TIAM1: variants seen among roughly 807,000 people sequenced by gnomAD.
TIAM1 encodes TIAM Rac1 associated GEF 1.
A neutral mutation model predicts 163.5 loss-of-function variants in TIAM1; 65 were observed. That is an observed-to-expected ratio of 0.40 (90% confidence interval 0.33 to 0.49). The LOEUF (loss-of-function observed/expected upper bound fraction) is 0.49, where lower values mean the gene tolerates loss of function less well. Among genes scored for constraint, TIAM1 ranks in the 20% least tolerant of loss-of-function variants. The pLI is 0.77. For missense variants in TIAM1, 1,789 were observed against 2,044.7 expected (o/e 0.87, Z 2.41); for synonymous variants, 833 against 810.1 (o/e 1.03, Z -0.48).
intron 2 of TIAM1, among the ~76,000 whole-genome samples, chr21:31,337,518 G>GTTATTATTA (rs55760697): frequency 0.021 from 3,122 of 147,250 alleles, 79 homozygotes; most frequent in African/African-American, 0.061. Flanking sequence ...TATTATTGTT[G>GTTATTATTA]TTATTATTAT....
At chr21:31,422,711 A>G (rs2043621115) in intron 2 of TIAM1, among the ~76,000 whole-genome samples, 1 of 152,142 alleles carries the variant, frequency 6.6e-6, no homozygotes, top group Admixed American at 6.6e-5. Flanking sequence ...CTTTGCACCA[A>G]TGAGCACCTC....
At position 31,321,150 on chromosome 21, in the gene TIAM1, G is replaced by C. The variant is rs73353402; in HGVS notation, c.-189+18093C>G. 6.6e-5 allele frequency among the ~76,000 whole-genome samples: 10 copies of C among 152,066 alleles called. No homozygotes were observed. In the East Asian group the frequency reaches 1.4e-3, roughly 21 times the overall value. ...CTGGGCCACAGAAAGAAGGGGGCGG[G>C]GGGGGATGACCTGAGAGTTATAGGA... On this transcript the variant is annotated intron_variant, in intron 2 of 27. Transcript: ENST00000541036.
At chr21:31,229,342 A>G (rs2088263476) in intron 6 of TIAM1, among the ~76,000 whole-genome samples, 1 of 152,136 alleles carries the variant, frequency 6.6e-6, no homozygotes, top group South Asian at 2.1e-4. Flanking sequence ...ACGTTAAACT[A>G]TCATAGAAAG....
chr21:31,547,865 GAC>G (rs1459379798), intron 1 of TIAM1, among the ~76,000 whole-genome samples: 2 of 152,140 alleles, frequency 1.3e-5, no homozygotes, highest in Non-Finnish European at 2.9e-5. Flanking sequence ...AGCTTTGCAT[GAC>G]ACAGTTATTA....
chr21:31,306,942 C>T (rs1410113283), intron 2 of TIAM1, among the ~76,000 whole-genome samples: 1 of 152,148 alleles, frequency 6.6e-6, no homozygotes, highest in Non-Finnish European at 1.5e-5. Context: ...ACACTAATGT[C>T]TTTGGTAAGA....
intron 4 of TIAM1, among the ~76,000 whole-genome samples, chr21:31,258,347 G>A (rs2072243942): frequency 6.6e-6 from 1 of 152,168 alleles, no homozygotes; most frequent in Admixed American, 6.5e-5. Context: ...CACTGCAGCT[G>A]GAGTTAAAGG....
chr21:31,199,162 A>G (rs1001619335), intron 12 of TIAM1, among the ~76,000 whole-genome samples: 2 of 152,206 alleles, frequency 1.3e-5, no homozygotes, highest in African/African-American at 4.8e-5. Context: ...TTGAGTTCTC[A>G]CAAAATCAGG....
At chr21:31,295,263 A>G (rs112106218) in intron 2 of TIAM1, among the ~76,000 whole-genome samples, 15,476 of 152,042 alleles carry the variant, frequency 0.1, 826 homozygotes, top group Non-Finnish European at 0.12. Context: ...GAAGTCAGGA[A>G]ATCGAGACCA....
chr21:31,296,864 C>G lies in TIAM1; in HGVS notation c.-188-19956G>C, dbSNP rs141140172. ...ATTTTTAGTAGAGATGGGGTTTCAT[C>G]GTGTTAGCCAGGATGGTCTTGATTT... On this transcript the variant is annotated intron_variant, in intron 2 of 27. Coordinates refer to ENST00000541036, the MANE Select transcript of TIAM1 (RefSeq NM_001353694.2). Among the ~76,000 whole-genome samples the G allele has an allele frequency of 4.5e-4, 68 of 152,270 alleles. 1 individual carries two copies. The East Asian group carries it at 0.011, about 26-fold the overall frequency.
chr21:31,165,451 G>A (rs1468449006), intron 15 of TIAM1, among the ~76,000 whole-genome samples: 1 of 152,052 alleles, frequency 6.6e-6, no homozygotes, highest in Non-Finnish European at 1.5e-5. Flanking sequence ...CATAAGAAGA[G>A]ATAGAAACCA....
At chr21:31,433,981 A>G (rs1181374819) in intron 2 of TIAM1, among the ~76,000 whole-genome samples, 2 of 152,032 alleles carry the variant, frequency 1.3e-5, no homozygotes, top group African/African-American at 2.4e-5. Flanking sequence ...TATTTTTGTT[A>G]GAGACAGGGT....
At chr21:31,331,604 G>T (rs1159756087) in intron 2 of TIAM1, among the ~76,000 whole-genome samples, 1 of 152,162 alleles carries the variant, frequency 6.6e-6, no homozygotes, top group African/African-American at 2.4e-5. Flanking sequence ...CAACCAAAAG[G>T]CATTTGACCA....
At chr21:31,366,719 C>T (rs113551652) in intron 2 of TIAM1, among the ~76,000 whole-genome samples, 5 of 152,262 alleles carry the variant, frequency 3.3e-5, no homozygotes, top group African/African-American at 9.6e-5. Flanking sequence ...CAGGTTCAAG[C>T]GATTCTCCTG....
chr21:31,152,014 GA>G (rs1352927900), intron 19 of TIAM1, among the ~76,000 whole-genome samples: 7 of 136,190 alleles, frequency 5.1e-5, no homozygotes, highest in African/African-American at 1.9e-4. Context: ...TGGGTAACCA[GA>G]AGTGCCTTTT....
chr21:31,203,487 A>G (rs1297507452), intron 11 of TIAM1, among the ~76,000 whole-genome samples: 2 of 152,252 alleles, frequency 1.3e-5, no homozygotes, highest in African/African-American at 2.4e-5. Context: ...TTTACATCGT[A>G]AATGCAAAGT....
rs1370829645 is a variant in TIAM1, at chr21:31,256,625, A to AATAT, written c.964-4437_964-4436insATAT. ...CACACACACACACACACACACACAC[A>AATAT]CACGTATATTATCTTTGGCTCTCAG... is the stretch of plus-strand genomic sequence containing the variant. On this transcript the variant is annotated intron_variant, in intron 4 of 27. Transcript: ENST00000541036. Among the ~76,000 whole-genome samples, 251 of 149,208 alleles carry AATAT rather than the reference A, an allele frequency of 1.7e-3. 2 individuals are homozygous for AATAT. The highest frequency in any genetic ancestry group is 6.1e-3 in the African/African-American group (240 of 39,206).
At chr21:31,341,786 C>G (rs146451884) in intron 1 of TIAM1, among the ~76,000 whole-genome samples, 1 of 152,178 alleles carries the variant, frequency 6.6e-6, no homozygotes, top group Non-Finnish European at 1.5e-5. Context: ...TTTTCAAAGG[C>G]TGTTTAAGGC....
chr21:31,414,547 G>C (rs986906576), intron 2 of TIAM1, among the ~76,000 whole-genome samples: 5 of 152,066 alleles, frequency 3.3e-5, no homozygotes, highest in African/African-American at 1.2e-4. Context: ...AAGCATCCCA[G>C]GTCAGCTGAG....
chr21:31,403,355 G>C (rs1237551523), intron 2 of TIAM1, among the ~76,000 whole-genome samples: 5 of 152,110 alleles, frequency 3.3e-5, no homozygotes, highest in Admixed American at 2.6e-4. Flanking sequence ...CACCATGTTA[G>C]CCAGGATGGT....
Sources: allele counts gnomAD v4.1 joint callset (sites outside exome capture counted in the v4.1 genomes callset), GRCh38; gene constraint gnomAD v4.1.1; transcripts MANE v1.5; gene names NCBI Gene and HGNC (gene_info 2026-07-23, HGNC 2026-07-21).